The following ANKRD6 variants were observed in gnomAD, a reference collection of about 807,000 sequenced individuals.
ANKRD6 encodes the protein ankyrin repeat domain 6.
Under a neutral mutation model 82.3 loss-of-function variants are expected in ANKRD6, and 56 were observed. The ratio of observed to expected loss-of-function variants is 0.68; its 90% CI spans 0.55 to 0.85. The LOEUF is 0.85. Ranked by LOEUF, ANKRD6 falls within the 40% of genes least tolerant of loss-of-function variation. The probability of loss-of-function intolerance (pLI) is 0.00; values close to 1 mark genes in which losing one functional copy is unlikely to be tolerated. For missense variants in ANKRD6, 852 were observed against 907.6 expected (o/e 0.94, Z 0.79); for synonymous variants, 347 against 352.1 (o/e 0.99, Z 0.16).
intron 5 of ANKRD6, 59 bp downstream of exon 5, chr6:89,606,164 TCC>T: frequency 7.3e-7 from 1 of 1,375,010 alleles, no homozygotes; most frequent in Admixed American, 2.1e-5. Context: ...TGTGGGTTTC[TCC>T]CCCTGTGGGA....
rs1793999577 is a variant in ANKRD6 at position 89,587,466 on chromosome 6, C to T, written c.121-8450C>T. Among the ~76,000 whole-genome samples, 4 of 152,040 alleles carry T rather than the reference C, an allele frequency of 2.6e-5. No individual in the cohort carries two copies. The South Asian group carries it at 6.2e-4, about 24-fold the overall frequency. ...ATGGTGCCACTGCCCTCCAGTCTGGCGACAGAGCGAGACTTCATCTCAAAA... is the reference window on the plus strand; with the variant it reads ...ATGGTGCCACTGCCCTCCAGTCTGGTGACAGAGCGAGACTTCATCTCAAAA... On this transcript the variant is annotated intron_variant, in intron 2 of 15. Coordinates refer to ENST00000339746, the MANE Select transcript of ANKRD6 (RefSeq NM_001242809.2).
At chr6:89,622,578 G>A (rs1366855734) in intron 10 of ANKRD6, among the ~76,000 whole-genome samples, 1 of 152,226 alleles carries the variant, frequency 6.6e-6, no homozygotes, top group Admixed American at 6.5e-5. Context: ...ATGCTAGCCT[G>A]TATGGCTCCC....
At chr6:89,561,268 TAGA>T (rs1333736102) in intron 1 of ANKRD6, 2 of 152,206 alleles carry the variant, frequency 1.3e-5, no homozygotes, top group Non-Finnish European at 1.5e-5. Flanking sequence ...GTGACAGAGT[TAGA>T]AGAAGAGAGT....
At chr6:89,574,439 A>G (rs903461528) in intron 2 of ANKRD6, among the ~76,000 whole-genome samples, 9 of 152,208 alleles carry the variant, frequency 5.9e-5, no homozygotes, top group African/African-American at 1.7e-4. Context: ...TAGAGTTTCC[A>G]TAAGCACTAA....
chr6:89,548,190 C>T (rs1191000858), intron 1 of ANKRD6, among the ~76,000 whole-genome samples: 1 of 149,542 alleles, frequency 6.7e-6, no homozygotes, highest in Non-Finnish European at 1.5e-5. Flanking sequence ...CATTAATAGT[C>T]ATTCCCTATT....
chr6:89,535,861 C>T (rs1414559531), intron 1 of ANKRD6, among the ~76,000 whole-genome samples: 1 of 152,212 alleles, frequency 6.6e-6, no homozygotes, highest in Non-Finnish European at 1.5e-5. Flanking sequence ...AGTACATGGT[C>T]TCTTGTTCAC....
chr6:89,601,297 G>C (rs1015125870), intron 3 of ANKRD6, among the ~76,000 whole-genome samples: 1 of 152,122 alleles, frequency 6.6e-6, no homozygotes, highest in African/African-American at 2.4e-5. Flanking sequence ...ATGCTGAAGG[G>C]GGGAGGTCGG....
chr6:89,594,920 A>G (rs953704942), intron 2 of ANKRD6, among the ~76,000 whole-genome samples: 1 of 151,976 alleles, frequency 6.6e-6, no homozygotes, highest in African/African-American at 2.4e-5. Flanking sequence ...TTTTTAAAAA[A>G]GAAAATGTTT....
intron 1 of ANKRD6, among the ~76,000 whole-genome samples, chr6:89,456,508 A>G (rs146666006): frequency 1.1e-4 from 17 of 152,168 alleles, no homozygotes; most frequent in Non-Finnish European, 1.5e-5. Context: ...GTGCGTGTGC[A>G]TCCTTGGTGT....
chr6:89,447,254 CAAAA>C (rs1193760186), intron 1 of ANKRD6, among the ~76,000 whole-genome samples: 1 of 150,004 alleles, frequency 6.7e-6, no homozygotes, highest in African/African-American at 2.5e-5. Context: ...GACCCTGTCT[CAAAA>C]AAAAGGGAGG....
At chr6:89,608,146 G>A (rs560995628) in intron 5 of ANKRD6, among the ~76,000 whole-genome samples, 2 of 152,270 alleles carry the variant, frequency 1.3e-5, no homozygotes, top group Non-Finnish European at 2.9e-5. Context: ...AGGTAAGAAG[G>A]GTCATAAAAG....
intron 1 of ANKRD6, among the ~76,000 whole-genome samples, chr6:89,540,043 C>T (rs548145040): frequency 1.3e-5 from 2 of 152,236 alleles, no homozygotes; most frequent in South Asian, 2.1e-4. Flanking sequence ...TTGATGGACA[C>T]TTAGGTTGCT....
intron 7 of ANKRD6, among the ~76,000 whole-genome samples, chr6:89,614,949 T>C (rs1375909767): frequency 2.0e-5 from 3 of 152,090 alleles, no homozygotes; most frequent in African/African-American, 4.8e-5. Context: ...CTTGAGCTGA[T>C]AGTCTTTCAT....
chr6:89,554,973 C>G (rs370863527), intron 1 of ANKRD6, among the ~76,000 whole-genome samples: 1 of 151,828 alleles, frequency 6.6e-6, no homozygotes, highest in Non-Finnish European at 1.5e-5. Context: ...TCTCACATTC[C>G]CCCATTCTGC....
intron 1 of ANKRD6, among the ~76,000 whole-genome samples, chr6:89,541,720 A>G (rs1004799651): frequency 6.6e-6 from 1 of 151,836 alleles, no homozygotes; most frequent in African/African-American, 2.4e-5. Flanking sequence ...CTGTTGGCAT[A>G]TAGAAATACT....
At chr6:89,549,043 CA>C (rs1190097403) in intron 1 of ANKRD6, among the ~76,000 whole-genome samples, 1 of 151,928 alleles carries the variant, frequency 6.6e-6, no homozygotes, top group Non-Finnish European at 1.5e-5. Flanking sequence ...CCTGTCTCAA[CA>C]AAAAATACAA....
intron 1 of ANKRD6, among the ~76,000 whole-genome samples, chr6:89,482,156 T>C (rs1776887809): frequency 6.6e-6 from 1 of 152,234 alleles, no homozygotes; most frequent in African/African-American, 2.4e-5. Context: ...GAAATATTTA[T>C]AACATTCAAT....
rs551902574 is a variant in ANKRD6, at chr6:89,632,406, A to G, written c.*1402A>G. 2.4e-4 allele frequency: 37 copies of G among 152,210 alleles called. No individual in the cohort carries two copies. The highest frequency in any genetic ancestry group is 7.7e-4 in the African/African-American group (32 of 41,530). The allele number at this position is 152,210 out of a possible 1,614,324, so 9.4% of individuals were successfully genotyped here. On this transcript the variant is annotated 3_prime_UTR_variant, in exon 16 of 16. Transcript: ENST00000339746. Reference sequence around the variant, plus strand: ...AGATATATGTCACTGTTACCTGAATATGGAATGAATTTGATGTTTTTTATT... The same window carrying G: ...AGATATATGTCACTGTTACCTGAATGTGGAATGAATTTGATGTTTTTTATT...
At chr6:89,606,175 G>A in intron 5 of ANKRD6, 70 bp downstream of exon 5, 2 of 1,300,904 alleles carry the variant, frequency 1.5e-6, no homozygotes, top group Non-Finnish European at 2.1e-6. Flanking sequence ...CCCCCTGTGG[G>A]AGCCTTCTTC....
Sources: gnomAD v4.1 joint callset for allele counts (sites outside exome capture counted in the v4.1 genomes callset) on GRCh38, gnomAD v4.1.1 for gene constraint, MANE v1.5 for transcripts, NCBI Gene and HGNC (gene_info 2026-07-23, HGNC 2026-07-21) for gene names.